Variants in LARP1B observed in about 807,000 individuals in gnomAD.
The protein encoded by LARP1B is la-related protein 1B.
A neutral mutation model predicts 114.2 loss-of-function variants in LARP1B; 76 were observed. The ratio of observed to expected loss-of-function variants is 0.67; its 90% CI spans 0.55 to 0.81. LARP1B has a LOEUF of 0.81. Among genes scored for constraint, LARP1B ranks in the 30% least tolerant of loss-of-function variants. The pLI, the probability that LARP1B is intolerant of heterozygous loss-of-function variation, is 0.00. For synonymous variants in LARP1B, 345 were observed against 348.0 expected, an observed-to-expected ratio of 0.99 and a Z score of 0.10; for missense variants, 1,014 against 1,075.8, an observed-to-expected ratio of 0.94 and a Z score of 0.80.
chr4:128,202,964 C>T (rs1302644404), intron 17 of LARP1B, among the ~76,000 whole-genome samples: 1 of 152,084 alleles, frequency 6.6e-6, no homozygotes, highest in Non-Finnish European at 1.5e-5. Flanking sequence ...TTTGGGAGGC[C>T]GAGGCAGGCA....
At chr4:128,094,177 G>A (rs916473877) in intron 7 of LARP1B, among the ~76,000 whole-genome samples, 9 of 149,352 alleles carry the variant, frequency 6.0e-5, no homozygotes, top group African/African-American at 1.7e-4. Context: ...CGCCGTCCTC[G>A]GCCTCCCAAA....
intron 11 of LARP1B, among the ~76,000 whole-genome samples, chr4:128,137,494 A>C (rs532348080): frequency 6.6e-6 from 1 of 152,166 alleles, no homozygotes; most frequent in East Asian, 1.9e-4. Flanking sequence ...CTTTATGTGC[A>C]TTTTTTATAT....
At chr4:128,082,047 A>G (rs1018131891) in intron 4 of LARP1B, 118 bp from the exon 5 acceptor site, 16 of 989,358 alleles carry the variant, frequency 1.6e-5, no homozygotes, top group Non-Finnish European at 2.4e-5. Context: ...CTTTACAAAT[A>G]ATCTTAAAAT....
intron 9 of LARP1B, among the ~76,000 whole-genome samples, chr4:128,112,574 A>G: frequency 6.9e-6 from 1 of 144,170 alleles, no homozygotes; most frequent in Non-Finnish European, 1.5e-5. Flanking sequence ...CCTTGGTTCA[A>G]GGGATTCTTC....
At position 128,209,209 on chromosome 4, in the gene LARP1B, A is replaced by G. The variant is rs559296656; in HGVS notation, c.2548-647A>G. On this transcript the variant is annotated intron_variant, in intron 19 of 19. Transcript: ENST00000326639. Reference sequence around the variant, plus strand: ...CGAGGCGGGTGGATCGCCTGAGCTTAGGAGTTTGAGACCACCCAGGGCAAC... The same window carrying G: ...CGAGGCGGGTGGATCGCCTGAGCTTGGGAGTTTGAGACCACCCAGGGCAAC... Among the ~76,000 whole-genome samples the G allele has an allele frequency of 9.5e-4, 145 of 152,296 alleles. 1 individual carries two copies. The highest frequency in any genetic ancestry group is 5.9e-3 in the Admixed American group (91 of 15,296).
At chr4:128,118,077 G>C (rs1303256037) in intron 10 of LARP1B, among the ~76,000 whole-genome samples, 1 of 125,946 alleles carries the variant, frequency 7.9e-6, no homozygotes, top group Non-Finnish European at 1.6e-5. Context: ...CAACAGGCCC[G>C]GCTAATTTTT....
intron 1 of LARP1B, among the ~76,000 whole-genome samples, chr4:128,067,221 G>A (rs1763337828): frequency 1.3e-5 from 2 of 152,092 alleles, no homozygotes; most frequent in East Asian, 1.9e-4. Flanking sequence ...ATTAGTGATT[G>A]TATAATTTAT....
At chr4:128,175,840 A>G (rs1306177263) in intron 12 of LARP1B, among the ~76,000 whole-genome samples, 1 of 151,860 alleles carries the variant, frequency 6.6e-6, no homozygotes, top group East Asian at 1.9e-4. Context: ...AAACTACTTT[A>G]TTGCCTTTTG....
At chr4:128,118,325 G>A (rs1786700258) in intron 10 of LARP1B, among the ~76,000 whole-genome samples, 3 of 147,200 alleles carry the variant, frequency 2.0e-5, no homozygotes, top group South Asian at 2.1e-4. Context: ...TTCACCTCCC[G>A]GGTTCATGCC....
intron 19 of LARP1B, among the ~76,000 whole-genome samples, chr4:128,209,447 A>C (rs1334848991): frequency 4.6e-5 from 7 of 150,806 alleles, no homozygotes; most frequent in Non-Finnish European, 8.9e-5. Flanking sequence ...ACAAGCAAAC[A>C]AAAAAAACAC....
chr4:128,142,357 A>G (rs1728414665), intron 11 of LARP1B, among the ~76,000 whole-genome samples: 1 of 152,226 alleles, frequency 6.6e-6, no homozygotes, highest in Non-Finnish European at 1.5e-5. Flanking sequence ...GGGACCAGAA[A>G]CAATGCTACA....
chr4:128,195,570 T>C (rs1203547111), intron 15 of LARP1B, among the ~76,000 whole-genome samples: 1 of 152,204 alleles, frequency 6.6e-6, no homozygotes, highest in Non-Finnish European at 1.5e-5. Flanking sequence ...ATGTCTTCTT[T>C]AGACAATAAG....
chr4:128,081,365 C>A, intron 4 of LARP1B, among the ~76,000 whole-genome samples: 1 of 146,950 alleles, frequency 6.8e-6, no homozygotes, highest in East Asian at 2.0e-4. Context: ...AGGCATGAGC[C>A]ACTGCGCCCG....
At chr4:128,206,881 T>C (rs527320528) in intron 18 of LARP1B, 40 of 968,776 alleles carry the variant, frequency 4.1e-5, no homozygotes, top group Middle Eastern at 1.1e-3. Context: ...TGGTTAAGAG[T>C]GCAGGCTCTG....
intron 5 of LARP1B, among the ~76,000 whole-genome samples, chr4:128,084,563 G>A (rs1253450560): frequency 1.3e-5 from 2 of 151,888 alleles, no homozygotes; most frequent in Non-Finnish European, 2.9e-5. Context: ...GCAGTGAGCC[G>A]AGATGGCAGC....
rs541009126 is a variant in LARP1B, at chr4:128,210,911, A to C, written c.*858A>C. 1 of 971,776 alleles carries C rather than the reference A, an allele frequency of 1.0e-6. No individual in the cohort carries two copies. The highest frequency in any genetic ancestry group is 1.8e-5 in the African/African-American group (1 of 57,070). 60.2% of individuals were successfully genotyped at this position (971,776 alleles called of 1,614,324 possible). A position where few individuals can be genotyped will look rare whatever the true frequency, so the allele number is the denominator to read the frequency against. On this transcript the variant is annotated 3_prime_UTR_variant, in exon 20 of 20. Coordinates refer to ENST00000326639, the MANE Select transcript of LARP1B (RefSeq NM_018078.4). ...TTGCACTGTTTTGAATGCATCTGCT[A>C]TTTATACATCTGCAAGTGGGTATGT...
intron 1 of LARP1B, among the ~76,000 whole-genome samples, chr4:128,065,866 A>C (rs1429555009): frequency 6.6e-6 from 1 of 152,094 alleles, no homozygotes; most frequent in Admixed American, 6.6e-5. Context: ...GTCTTGCTCT[A>C]TTGCAGTGGT....
At chr4:128,129,070 CAGG>C (rs1214187555) in intron 11 of LARP1B, among the ~76,000 whole-genome samples, 1 of 147,150 alleles carries the variant, frequency 6.8e-6, no homozygotes, top group Non-Finnish European at 1.5e-5. Flanking sequence ...GAGGTTGAGG[CAGG>C]AGAATGGCGT....
intron 15 of LARP1B, among the ~76,000 whole-genome samples, chr4:128,186,569 T>C (rs1750441960): frequency 6.6e-6 from 1 of 152,218 alleles, no homozygotes; most frequent in Non-Finnish European, 1.5e-5. Context: ...AAATATAATA[T>C]CAGATCATCT....
Sources: allele counts gnomAD v4.1 joint callset (sites outside exome capture counted in the v4.1 genomes callset), GRCh38; gene constraint gnomAD v4.1.1; transcripts MANE v1.5; gene names NCBI Gene and HGNC (gene_info 2026-07-23, HGNC 2026-07-21).